ABCC5: variants seen among roughly 807,000 people sequenced by gnomAD.
ABCC5 encodes ATP binding cassette subfamily C member 5, also known as ATP-binding cassette sub-family C member 5.
In ABCC5, 61 loss-of-function variants were observed where a neutral mutation model predicts 160.9. That is an observed-to-expected ratio of 0.38 (90% CI 0.31 to 0.47). The LOEUF (loss-of-function observed/expected upper bound fraction) is 0.47. Among genes scored for constraint, ABCC5 ranks in the 20% least tolerant of loss-of-function variants. The pLI is 0.99. For synonymous variants in ABCC5, 666 were observed against 700.6 expected (o/e 0.95, Z 0.78); for missense variants, 1,308 against 1,813.3 (o/e 0.72, Z 5.06).
chr3:184,012,047 A>ACACACACACACACAC (rs1576954048), intron 2 of ABCC5, among the ~76,000 whole-genome samples: 1 of 150,060 alleles, frequency 6.7e-6, no homozygotes, highest in South Asian at 2.1e-4. Context: ...ACACACACAC[A>ACACACACACACACAC]AATGAGTGCA....
intron 27 of ABCC5, among the ~76,000 whole-genome samples, chr3:183,928,247 G>T (rs1712800406): frequency 6.6e-6 from 1 of 151,942 alleles, no homozygotes; most frequent in South Asian, 2.1e-4. Context: ...GAGTAGCTGG[G>T]ATTACAGGTG....
In ABCC5 at chr3:183,972,098, G is replaced by A. The variant is rs939009891; in HGVS notation, c.1405-179C>T. On this transcript the variant is annotated intron_variant, in intron 10 of 29. Transcript: ENST00000334444. ...TCAGGCCCATCAAGGGGTCACGGGAGTGTGGGGCAACCTCAAGAGGTCCAG... is the reference window on the plus strand; with the variant it reads ...TCAGGCCCATCAAGGGGTCACGGGAATGTGGGGCAACCTCAAGAGGTCCAG... 11 of 1,311,050 alleles carry A rather than the reference G, an allele frequency of 8.4e-6. No homozygotes were observed. In the African/African-American group the frequency reaches 1.6e-4, roughly 19 times the overall value. The allele number at this position is 1,311,050 out of a possible 1,614,324, so 81.2% of individuals were successfully genotyped here.
In ABCC5 at chr3:183,961,970, C is replaced by T. The variant is rs542403434; in HGVS notation, c.2236-316G>A. 6.6e-5 allele frequency among the ~76,000 whole-genome samples: 10 copies of T among 152,164 alleles called. No homozygotes were observed. The East Asian group carries it at 9.7e-4, about 15-fold the overall frequency. On this transcript the variant is annotated intron_variant, in intron 15 of 29. Coordinates refer to ENST00000334444, the MANE Select transcript of ABCC5 (RefSeq NM_005688.4). ...AATTTTTTTGTATTTTTAGTAGAGA[C>T]GGGGTTTTGCCGTACAGGTAATCCG...
At chr3:184,014,124 C>T in intron 2 of ABCC5, 140 bp downstream of exon 2, 1 of 610,518 alleles carries the variant, frequency 1.6e-6, no homozygotes, top group Non-Finnish European at 2.7e-6. Context: ...CCACCCGCCT[C>T]AGCCTCCCAA....
chr3:183,956,308 A>C (rs1194515022), intron 17 of ABCC5, among the ~76,000 whole-genome samples: 4 of 149,034 alleles, frequency 2.7e-5, no homozygotes, highest in Admixed American at 6.7e-5. Context: ...TTACATGCAG[A>C]TCCGTGTGTA....
rs1432544287 is a variant in ABCC5 at position 183,988,641 on chromosome 3, T to G, written c.374A>C (p.Lys125Thr). 2 of 1,614,090 alleles carry G rather than the reference T, an allele frequency of 1.2e-6. No individual in the cohort carries two copies. Among genetic ancestry groups the G allele is most frequent in the African/African-American group, 2.7e-5 (2 of 74,934 alleles). ...CACGTCTTCCATTGAGAGCTCCCCC[T>G]TCTTGTGGGCCACACGGGCCAGAGA... The part of the protein sequence containing the change: ...LSSLARVAHK[K>T]GELSMEDVWS... The change falls in exon 4 of 30, where the codon AAG becomes ACG. Residue 125 changes from lysine to threonine, a missense_variant. Around this residue, in one of 3 missense-constraint regions of ABCC5, gnomAD observed 1,142 missense variants for 1,527.1 expected, o/e 0.75. Coordinates refer to ENST00000334444, the MANE Select transcript of ABCC5 (RefSeq NM_005688.4). This position sits in a 1 kb window ranked among gnomAD's most constrained non-coding sequence, Gnocchi z 4.4.
chr3:184,001,987 TGAC>T (rs1720780720), intron 2 of ABCC5, among the ~76,000 whole-genome samples: 5 of 152,136 alleles, frequency 3.3e-5, no homozygotes, highest in African/African-American at 1.2e-4. Context: ...CGAGGAAGTA[TGAC>T]TGCCATTTAT....
At chr3:183,960,312 T>G (rs1716604111) in intron 16 of ABCC5, among the ~76,000 whole-genome samples, 1 of 152,136 alleles carries the variant, frequency 6.6e-6, no homozygotes, top group Admixed American at 6.5e-5. Flanking sequence ...GCCCCTACTC[T>G]CAAGCCACAC....
Position 183,951,853 on chromosome 3 carries a change from A to C in ABCC5, c.2814+4T>G. 2 of 1,613,164 alleles carry C rather than the reference A, an allele frequency of 1.2e-6. No homozygotes were observed. Among genetic ancestry groups the C allele is most frequent in the Non-Finnish European group, 1.7e-6 (2 of 1,179,636 alleles). ...GAGGGCAGAGACCACCCACCAATGC[A>C]TACCTTGACAAAGACAACTCCTCGA... On this transcript the variant is annotated splice_donor_region_variant and intron_variant, in intron 19 of 29. Coordinates refer to ENST00000334444, the MANE Select transcript of ABCC5 (RefSeq NM_005688.4). The surrounding 1 kb of genome is among the most constrained non-coding windows in gnomAD (Gnocchi z 4.7).
chr3:183,998,567 C>T (rs1391857724), intron 2 of ABCC5, among the ~76,000 whole-genome samples: 1 of 151,948 alleles, frequency 6.6e-6, no homozygotes, highest in African/African-American at 2.4e-5. Context: ...TACTAGTATC[C>T]CTGTTTTACA....
At chr3:183,942,376 A>G (rs1714450904) in intron 25 of ABCC5, 2 of 476,458 alleles carry the variant, frequency 4.2e-6, no homozygotes, top group South Asian at 3.1e-5. Flanking sequence ...GCATGTGTCA[A>G]TGACCTCATT....
intron 2 of ABCC5, among the ~76,000 whole-genome samples, chr3:183,996,469 A>G (rs536531922): frequency 1.3e-5 from 2 of 152,194 alleles, no homozygotes; most frequent in Non-Finnish European, 2.9e-5. Flanking sequence ...TTTACTATAT[A>G]TAACTATGTC....
chr3:183,985,293 C>T (rs749535160), intron 5 of ABCC5: 7 of 1,612,076 alleles, frequency 4.3e-6, no homozygotes, highest in South Asian at 1.1e-5. Context: ...AGTGAATAAA[C>T]ATTACCTTAC....
rs1170770219 is a variant in ABCC5 at position 183,920,538 on chromosome 3, G to A, written c.*762C>T. On this transcript the variant is annotated 3_prime_UTR_variant, in exon 30 of 30. Transcript: ENST00000334444. The surrounding 1 kb of genome is among the most constrained non-coding windows in gnomAD (Gnocchi z 4.1). ...AGGAAAGAAACTCCCCGGCTCGGAG[G>A]AATGTCTCTGTGATCCCCATTCTTG... 2 of 152,856 alleles carry A rather than the reference G, an allele frequency of 1.3e-5. No individual in the cohort carries two copies. The highest frequency in any genetic ancestry group is 3.9e-4 in the East Asian group (2 of 5,194). The allele number at this position is 152,856 out of a possible 1,614,324, so 9.5% of individuals were successfully genotyped here.
chr3:184,006,472 T>G (rs1721220339), intron 2 of ABCC5: 2 of 152,208 alleles, frequency 1.3e-5, no homozygotes, highest in South Asian at 4.1e-4. Context: ...GTAATACTCT[T>G]GACTTGGAAA....
intron 26 of ABCC5, among the ~76,000 whole-genome samples, chr3:183,929,385 ATCACACCAC>A (rs1433846566): frequency 1.3e-5 from 2 of 152,184 alleles, no homozygotes; most frequent in Non-Finnish European, 2.9e-5. Context: ...GTGAGCTGAG[ATCACACCAC>A]TGCACTCTAG....
Position 183,971,711 on chromosome 3 carries a change from T to G in ABCC5, c.1613A>C (p.His538Pro). Residue 538 changes from histidine (H) to proline (P), a missense_variant, in exon 11 of 30, where the codon CAT (histidine) becomes CCT (proline). Coordinates refer to ENST00000334444, the MANE Select transcript of ABCC5 (RefSeq NM_005688.4). Reference protein sequence around the residue: ...EKVRQLQRTEHQAVLAEQKGH... With the variant: ...EKVRQLQRTEPQAVLAEQKGH... ...TTTCTGCTCTGCCAGCACCGCCTGA[T>G]GCTCAGTGCGCTGCAGCTGCCTCAC... The G allele has an allele frequency of 6.2e-7, 1 of 1,614,230 alleles. No individual in the cohort carries two copies. The highest frequency in any genetic ancestry group is 8.5e-7 in the Non-Finnish European group (1 of 1,180,036).
rs1718421546 is a variant in ABCC5 at position 183,978,550 on chromosome 3, T to A, written c.1249A>T (p.Thr417Ser). The A allele has an allele frequency of 6.2e-7, 1 of 1,613,996 alleles. No individual in the cohort carries two copies. The highest frequency in any genetic ancestry group is 8.5e-7 in the Non-Finnish European group (1 of 1,180,032). ...PIVVVIASVVTFSVHMTLGFD... is the reference protein window; with the variant it reads ...PIVVVIASVVSFSVHMTLGFD... ...CCCAGGGTCATATGAACAGAGAAGG[T>A]CACCACGCTGGCAATCACCACCACA... Residue 417 changes from threonine (T) to serine (S), a missense_variant, in exon 9 of 30, where the codon ACC (threonine) becomes TCC (serine). By Grantham distance (58) the Thr-to-Ser change is moderately conservative (BLOSUM62 1). Transcript: ENST00000334444.
At position 183,967,556 on chromosome 3, in the gene ABCC5, G is replaced by A; in HGVS notation, c.1833+139C>T. ...AGGGGGAGAACTGGGGGGAACTGCG[G>A]GGGATTGGGGGCATACAATGCAGGC... On this transcript the variant is annotated intron_variant, in intron 12 of 29. Coordinates refer to ENST00000334444, the MANE Select transcript of ABCC5 (RefSeq NM_005688.4). 4.0e-6 allele frequency: 3 copies of A among 751,014 alleles called. No individual in the cohort carries two copies. The South Asian group carries it at 4.7e-5, about 12-fold the overall frequency. The allele number at this position is 751,014 out of a possible 1,614,324, so 46.5% of individuals were successfully genotyped here.
Sources: allele counts gnomAD v4.1 joint callset (sites outside exome capture counted in the v4.1 genomes callset), GRCh38; gene constraint gnomAD v4.1.1; regional missense constraint gnomAD v4.1.1; non-coding constraint Gnocchi (gnomAD v3.1); transcripts MANE v1.5; gene names NCBI Gene and HGNC (gene_info 2026-07-23, HGNC 2026-07-21).